The following GRIK3 variants were observed in gnomAD, a reference collection of about 807,000 sequenced individuals.
The protein encoded by GRIK3 is glutamate ionotropic receptor kainate type subunit 3, also known as glutamate receptor ionotropic, kainate 3.
In GRIK3, 29 loss-of-function variants were observed where a neutral mutation model predicts 102.5. The observed-to-expected ratio is 0.28, with a 90% CI of 0.21 to 0.39. The LOEUF (loss-of-function observed/expected upper bound fraction) is 0.39, where lower values mean the gene tolerates loss of function less well. Ranked by LOEUF, GRIK3 falls within the 10% of genes least tolerant of loss-of-function variation. GRIK3 has a pLI of 1.00. For synonymous variants in GRIK3, 511 were observed against 504.9 expected, an observed-to-expected ratio of 1.01 and a Z score of -0.16; for missense variants, 908 against 1,252.4, an observed-to-expected ratio of 0.73 and a Z score of 4.15.
chr1:36,963,782 T>C (rs1642052169), intron 1 of GRIK3, among the ~76,000 whole-genome samples: 1 of 152,202 alleles, frequency 6.6e-6, no homozygotes, highest in African/African-American at 2.4e-5. Context: ...AGCAGCCTCC[T>C]GAATGCTTTC....
intron 2 of GRIK3, among the ~76,000 whole-genome samples, chr1:36,889,760 G>T (rs547364630): frequency 1.1e-4 from 16 of 152,256 alleles, no homozygotes; most frequent in Non-Finnish European, 2.1e-4. Context: ...AATCACAGGT[G>T]TACCACTAGG....
intron 1 of GRIK3, among the ~76,000 whole-genome samples, chr1:37,026,110 T>C (rs539826788): frequency 6.6e-6 from 1 of 152,322 alleles, no homozygotes; most frequent in Non-Finnish European, 1.5e-5. Flanking sequence ...TGAGAAGGGC[T>C]GATCAAGACT....
chr1:36,990,777 C>T (rs1642356024), intron 1 of GRIK3, among the ~76,000 whole-genome samples: 1 of 152,096 alleles, frequency 6.6e-6, no homozygotes, highest in South Asian at 2.1e-4. Flanking sequence ...GAGCCCAGGG[C>T]CCTGGGAGTT....
chr1:36,801,866 G>A lies in GRIK3; in HGVS notation c.2745C>T (p.Ala915=). The change falls in exon 16 of 16, where the codon GCC becomes GCT. Residue 915 remains alanine (A), a synonymous_variant. Transcript: ENST00000373091. Reference sequence around the variant, plus strand: ...CCAGCTGTGCCTAGGGGAACACAGGGGCTAAGGATGTGCTGCAGGCCATGC... The same window carrying A: ...CCAGCTGTGCCTAGGGGAACACAGGAGCTAAGGATGTGCTGCAGGCCATGC... ...KDSMACSTSL[A]PVFP is the part of the protein sequence containing the mutation. 2 of 1,608,504 alleles carry A rather than the reference G, an allele frequency of 1.2e-6. No homozygotes were observed. The highest frequency in any genetic ancestry group is 1.7e-6 in the Non-Finnish European group (2 of 1,177,212).
chr1:36,855,188 G>T (rs938474751), intron 7 of GRIK3, among the ~76,000 whole-genome samples: 1 of 152,138 alleles, frequency 6.6e-6, no homozygotes, highest in Non-Finnish European at 1.5e-5. Flanking sequence ...GAAGAGGCAC[G>T]GGGCAATGGA....
chr1:36,973,710 T>C (rs943485606), intron 1 of GRIK3, among the ~76,000 whole-genome samples: 2 of 152,002 alleles, frequency 1.3e-5, no homozygotes, highest in Admixed American at 6.5e-5. Context: ...ATTACAGGCA[T>C]GAGCCACCGC....
intron 1 of GRIK3, among the ~76,000 whole-genome samples, chr1:36,994,312 C>T (rs74064833): frequency 0.037 from 5,690 of 152,338 alleles, 348 homozygotes; most frequent in African/African-American, 0.13. Context: ...GAGCTTCACA[C>T]GCTACCTGTT....
At chr1:36,957,507 A>AGCCTGTGTGCCCCATGT (rs1641931962) in intron 1 of GRIK3, among the ~76,000 whole-genome samples, 1 of 113,294 alleles carries the variant, frequency 8.8e-6, no homozygotes, top group African/African-American at 3.3e-5. Context: ...GTGCCCCATG[A>AGCCTGTGTGCCCCATGT]CTCTGTGCCC....
At chr1:36,856,242 T>G (rs1430420368) in intron 7 of GRIK3, among the ~76,000 whole-genome samples, 2 of 152,182 alleles carry the variant, frequency 1.3e-5, no homozygotes, top group Non-Finnish European at 2.9e-5. Context: ...GCAGGTGCCT[T>G]CAAACCTGCA....
intron 1 of GRIK3, among the ~76,000 whole-genome samples, chr1:37,015,028 C>T (rs896921507): frequency 7.2e-5 from 11 of 151,816 alleles, no homozygotes; most frequent in African/African-American, 2.4e-4. Context: ...TAAGAATTCC[C>T]TACATTGGTT....
chr1:36,830,175 A>G (rs1051793479), intron 10 of GRIK3, among the ~76,000 whole-genome samples: 1 of 152,186 alleles, frequency 6.6e-6, no homozygotes, highest in Non-Finnish European at 1.5e-5. Flanking sequence ...TCTTCCCAGT[A>G]TCCCCGCCAG....
rs1322075371 is a variant in GRIK3, at chr1:36,800,799, C to T, written c.*1052G>A. 1 of 152,152 alleles carries T rather than the reference C, an allele frequency of 6.6e-6. No individual in the cohort carries two copies. Among genetic ancestry groups the T allele is most frequent in the Non-Finnish European group, 1.5e-5 (1 of 68,044 alleles). The allele number at this position is 152,152 out of a possible 1,614,324, so 9.4% of individuals were successfully genotyped here. A position where few individuals can be genotyped will look rare whatever the true frequency, so the allele number is the denominator to read the frequency against. ...CCTTTTTTGAGGAGGGACAACTTGA[C>T]TTTCACTTCAACCAACTCTTCTTTC... On this transcript the variant is annotated 3_prime_UTR_variant, in exon 16 of 16. Coordinates refer to ENST00000373091, the MANE Select transcript of GRIK3 (RefSeq NM_000831.4).
At chr1:36,859,665 G>T (rs1640697617) in intron 6 of GRIK3, among the ~76,000 whole-genome samples, 179 bp downstream of exon 6, 1 of 152,170 alleles carries the variant, frequency 6.6e-6, no homozygotes, top group African/African-American at 2.4e-5. Flanking sequence ...TGGGTCCCTT[G>T]GGGAGGGACT....
chr1:36,904,906 T>C (rs1641269156), intron 1 of GRIK3, among the ~76,000 whole-genome samples: 1 of 152,130 alleles, frequency 6.6e-6, no homozygotes, highest in Non-Finnish European at 1.5e-5. Flanking sequence ...ATGATATGAA[T>C]AAGACAAAAA....
At chr1:37,007,079 C>T (rs1570861280) in intron 1 of GRIK3, among the ~76,000 whole-genome samples, 1 of 152,218 alleles carries the variant, frequency 6.6e-6, no homozygotes, top group Non-Finnish European at 1.5e-5. Flanking sequence ...ACATCCCTGC[C>T]TTCCTGAGGC....
At position 36,806,501 on chromosome 1, in the gene GRIK3, C is replaced by G. The variant is rs1417631968; in HGVS notation, c.2092-175G>C. ...AATTGAGGCCCCGGGGCAAAGGTCC[C>G]CAAACACACAGCTGGCCAATGATAA... On this transcript the variant is annotated intron_variant, in intron 13 of 15. Transcript: ENST00000373091. This position sits in a 1 kb window ranked among gnomAD's most constrained non-coding sequence, Gnocchi z 4.0. 6.6e-6 allele frequency among the ~76,000 whole-genome samples: 1 copy of G among 152,154 alleles called. No homozygotes were observed. Among genetic ancestry groups the G allele is most frequent in the Non-Finnish European group, 1.5e-5 (1 of 68,014 alleles).
At chr1:36,855,456 T>A (rs1207972128) in intron 7 of GRIK3, among the ~76,000 whole-genome samples, 1 of 152,204 alleles carries the variant, frequency 6.6e-6, no homozygotes, top group Non-Finnish European at 1.5e-5. Context: ...AAGGTACTTT[T>A]ACAGGTAAAT....
chr1:36,972,218 C>G (rs1642150517), intron 1 of GRIK3, among the ~76,000 whole-genome samples: 1 of 152,198 alleles, frequency 6.6e-6, no homozygotes, highest in Non-Finnish European at 1.5e-5. Context: ...GCCTGGGAGG[C>G]CTGGGAATTT....
chr1:36,957,053 G>A (rs377541532), intron 1 of GRIK3, among the ~76,000 whole-genome samples: 5 of 152,234 alleles, frequency 3.3e-5, no homozygotes, highest in African/African-American at 4.8e-5. Flanking sequence ...AGGAGGCTTC[G>A]GCAGATGCCA....
Sources: gnomAD v4.1 joint callset for allele counts (sites outside exome capture counted in the v4.1 genomes callset) on GRCh38, gnomAD v4.1.1 for gene constraint, Gnocchi (gnomAD v3.1) non-coding constraint, MANE v1.5 for transcripts, NCBI Gene and HGNC (gene_info 2026-07-23, HGNC 2026-07-21) for gene names.